BMPR1B: variants seen among roughly 807,000 people sequenced by gnomAD.
BMPR1B encodes bone morphogenetic protein receptor type 1B, also known as bone morphogenetic protein receptor type-1B.
Under a neutral mutation model 59.1 loss-of-function variants are expected in BMPR1B, and 12 were observed. The observed-to-expected ratio is 0.20, with a 90% CI of 0.13 to 0.33. BMPR1B has a LOEUF of 0.33. Ranked by LOEUF, BMPR1B falls within the 10% of genes least tolerant of loss-of-function variation. BMPR1B has a pLI of 1.00. For missense variants in BMPR1B, 550 were observed against 610.9 expected (o/e 0.90, Z 1.05); for synonymous variants, 237 against 207.3 (o/e 1.14, Z -1.23).
intron 8 of BMPR1B, among the ~76,000 whole-genome samples, chr4:95,128,396 C>T (rs1733058908): frequency 6.6e-6 from 1 of 152,128 alleles, no homozygotes; most frequent in African/African-American, 2.4e-5. Context: ...AAGAGTTATA[C>T]GCTAGATTCC....
chr4:95,094,503 TAGTA>T (rs1346136458), intron 3 of BMPR1B, among the ~76,000 whole-genome samples: 1 of 151,898 alleles, frequency 6.6e-6, no homozygotes, highest in Non-Finnish European at 1.5e-5. Flanking sequence ...AACTGAATAA[TAGTA>T]AGAGTCAGCA....
At chr4:94,882,210 C>G (rs1727001078) in intron 2 of BMPR1B, among the ~76,000 whole-genome samples, 2 of 152,216 alleles carry the variant, frequency 1.3e-5, no homozygotes, top group South Asian at 2.1e-4. Flanking sequence ...ATTATTTCCC[C>G]TTCCATAGAG....
At chr4:95,127,311 CTAAAA>C (rs1044884213) in intron 8 of BMPR1B, among the ~76,000 whole-genome samples, 1 of 151,852 alleles carries the variant, frequency 6.6e-6, no homozygotes, top group Non-Finnish European at 1.5e-5. Flanking sequence ...CAAATAAAAA[CTAAAA>C]TAAATCAGTT....
intron 3 of BMPR1B, among the ~76,000 whole-genome samples, chr4:95,008,769 T>A (rs1263304522): frequency 2.6e-5 from 4 of 152,046 alleles, no homozygotes; most frequent in Non-Finnish European, 5.9e-5. Flanking sequence ...AAAGATACCA[T>A]GAATCAGTAA....
chr4:95,049,258 T>C (rs983220844), intron 3 of BMPR1B, among the ~76,000 whole-genome samples: 1 of 151,568 alleles, frequency 6.6e-6, no homozygotes, highest in Non-Finnish European at 1.5e-5. Context: ...GGAGTACAGG[T>C]GTGAACCACC....
chr4:94,922,100 G>T (rs1728711456), intron 2 of BMPR1B, among the ~76,000 whole-genome samples: 1 of 152,048 alleles, frequency 6.6e-6, no homozygotes, highest in South Asian at 2.1e-4. Flanking sequence ...AGCCTCCCAA[G>T]TAGCTGGGAT....
intron 1 of BMPR1B, among the ~76,000 whole-genome samples, chr4:94,847,354 G>A (rs1725374044): frequency 6.6e-6 from 1 of 152,206 alleles, no homozygotes; most frequent in East Asian, 1.9e-4. Context: ...AATTAGCACA[G>A]CCACTATGGA....
intron 3 of BMPR1B, among the ~76,000 whole-genome samples, chr4:95,047,111 T>C (rs1290325495): frequency 6.6e-6 from 1 of 152,206 alleles, no homozygotes; most frequent in Non-Finnish European, 1.5e-5. Flanking sequence ...TATAGAGTCC[T>C]CATATACCCT....
At chr4:94,809,656 A>G (rs1278255177) in intron 1 of BMPR1B, among the ~76,000 whole-genome samples, 1 of 152,148 alleles carries the variant, frequency 6.6e-6, no homozygotes, top group Non-Finnish European at 1.5e-5. Flanking sequence ...GCTCCACCCC[A>G]CCAAAGTGTA....
At chr4:94,841,425 G>A (rs796433452) in intron 1 of BMPR1B, among the ~76,000 whole-genome samples, 1 of 151,552 alleles carries the variant, frequency 6.6e-6, no homozygotes, top group Non-Finnish European at 1.5e-5. Flanking sequence ...CTCCATGGGC[G>A]TAGGACCCTC....
chr4:94,942,729 G>T (rs186022699), intron 2 of BMPR1B, among the ~76,000 whole-genome samples: 2 of 152,218 alleles, frequency 1.3e-5, no homozygotes, highest in Admixed American at 6.5e-5. Context: ...CTGAATTCTG[G>T]CCTCAGAGTA....
intron 11 of BMPR1B, among the ~76,000 whole-genome samples, chr4:95,151,726 C>CGATATCAAGTGATATAT: frequency 6.6e-6 from 1 of 152,074 alleles, no homozygotes; most frequent in Admixed American, 6.6e-5. Context: ...ATATAATCTG[C>CGATATCAAGTGATATAT]CAACTTGACG....
rs774189739 is a variant in BMPR1B, at chr4:95,148,942, T to C, written c.1252+19T>C. On this transcript the variant is annotated intron_variant, in intron 11 of 12. Transcript: ENST00000515059. Reference sequence around the variant, plus strand: ...TCAGGAGGTAAGAAACAGTGCTGTCTTTGAAAAGCTACTATTGGAGCTACT... The same window carrying C: ...TCAGGAGGTAAGAAACAGTGCTGTCCTTGAAAAGCTACTATTGGAGCTACT... 9.3e-6 allele frequency: 15 copies of C among 1,613,324 alleles called. No individual in the cohort carries two copies. The highest frequency in any genetic ancestry group is 1.3e-5 in the Non-Finnish European group (15 of 1,179,446).
At chr4:94,899,035 C>T (rs1362899844) in intron 2 of BMPR1B, among the ~76,000 whole-genome samples, 1 of 152,030 alleles carries the variant, frequency 6.6e-6, no homozygotes, top group Non-Finnish European at 1.5e-5. Flanking sequence ...TGTGCAACCC[C>T]TGGATGTTCT....
At chr4:94,959,893 A>G (rs1203594609) in intron 2 of BMPR1B, among the ~76,000 whole-genome samples, 2 of 152,288 alleles carry the variant, frequency 1.3e-5, no homozygotes, top group Middle Eastern at 3.4e-3. Context: ...TAAAAGGTCA[A>G]TGTGAGAGGC....
At chr4:95,021,783 A>G (rs1442372843) in intron 3 of BMPR1B, among the ~76,000 whole-genome samples, 2 of 152,240 alleles carry the variant, frequency 1.3e-5, no homozygotes, top group African/African-American at 2.4e-5. Context: ...TTTAAAATGA[A>G]CACTATTAAT....
intron 2 of BMPR1B, among the ~76,000 whole-genome samples, chr4:94,917,174 T>C (rs2149019098): frequency 6.6e-6 from 1 of 152,324 alleles, no homozygotes; most frequent in African/African-American, 2.4e-5. Context: ...GTGGAACCCT[T>C]ACAGAGAACC....
intron 1 of BMPR1B, among the ~76,000 whole-genome samples, chr4:94,870,372 A>G (rs1445603305): frequency 7.3e-6 from 1 of 136,768 alleles, no homozygotes; most frequent in Non-Finnish European, 1.5e-5. Flanking sequence ...CTTTCTCTCT[A>G]CTTCCTGCCA....
intron 1 of BMPR1B, among the ~76,000 whole-genome samples, 151 bp downstream of exon 1, chr4:94,758,219 G>T (rs1237519183): frequency 6.7e-6 from 1 of 149,726 alleles, no homozygotes; most frequent in African/African-American, 2.4e-5. Flanking sequence ...GTCGCCCTAG[G>T]CAGGACGGAG....
Sources: allele counts gnomAD v4.1 joint callset (sites outside exome capture counted in the v4.1 genomes callset), GRCh38; gene constraint gnomAD v4.1.1; transcripts MANE v1.5; gene names NCBI Gene and HGNC (gene_info 2026-07-23, HGNC 2026-07-21).